Variants in RANBP17 observed in about 807,000 individuals in gnomAD.
The protein encoded by RANBP17 is ran-binding protein 17.
Under a neutral mutation model 141.2 loss-of-function variants are expected in RANBP17, and 158 were observed. The observed-to-expected ratio is 1.12, with a 90% confidence interval of 0.98 to 1.28. The LOEUF is 1.28. RANBP17 is among the 50% of genes most tolerant of loss of function. RANBP17 has a pLI of 0.00. For missense variants in RANBP17, 1,438 were observed against 1,290.7 expected, an observed-to-expected ratio of 1.11 and a Z score of -1.75; for synonymous variants, 430 against 450.0, an observed-to-expected ratio of 0.96 and a Z score of 0.56.
At chr5:171,275,451 T>A in intron 25 of RANBP17, among the ~76,000 whole-genome samples, 1 of 152,176 alleles carries the variant, frequency 6.6e-6, no homozygotes, top group East Asian at 1.9e-4. Flanking sequence ...TTCCTGTACA[T>A]AATTAAGAGT....
intron 14 of RANBP17, among the ~76,000 whole-genome samples, chr5:171,107,853 G>A (rs191430629): frequency 4.1e-4 from 62 of 152,304 alleles, no homozygotes; most frequent in African/African-American, 1.3e-3. Flanking sequence ...GTTAATGCGT[G>A]CTTGCTGCAT....
intron 14 of RANBP17, among the ~76,000 whole-genome samples, chr5:171,042,957 G>T (rs1008410602): frequency 5.3e-5 from 8 of 152,126 alleles, no homozygotes; most frequent in Admixed American, 3.9e-4. Context: ...AAATAAGATT[G>T]TACTTAGTGG....
chr5:171,198,594 C>T (rs1052756223), intron 18 of RANBP17, among the ~76,000 whole-genome samples: 12 of 152,176 alleles, frequency 7.9e-5, no homozygotes, highest in African/African-American at 2.7e-4. Flanking sequence ...CTGGGACCCA[C>T]CCCCAGAGTT....
chr5:171,188,386 A>G (rs558167533), intron 18 of RANBP17, among the ~76,000 whole-genome samples: 1 of 152,190 alleles, frequency 6.6e-6, no homozygotes, highest in Non-Finnish European at 1.5e-5. Context: ...AGACTGTGTC[A>G]TTGCCCTTGA....
intron 5 of RANBP17, 56 bp from the exon 6 acceptor site, chr5:170,909,605 T>A: frequency 3.9e-6 from 2 of 511,068 alleles, no homozygotes; most frequent in Non-Finnish European, 6.6e-6. Flanking sequence ...TTTTAGTAAA[T>A]TTTGGTTTGC....
At position 170,932,112 on chromosome 5, in the gene RANBP17, A is replaced by C. The variant is rs1227416216; in HGVS notation, c.1468+7562A>C. Among the ~76,000 whole-genome samples, 2 of 152,156 alleles carry C rather than the reference A, an allele frequency of 1.3e-5. 1 individual carries two copies. Among genetic ancestry groups the C allele is most frequent in the African/African-American group, 4.8e-5 (2 of 41,424 alleles). ...CAGTGGTTTGTAGTTCTCCTTGAAG[A>C]GGTCCTTCACTTCCCTTGTAAGTTG... is the stretch of plus-strand genomic sequence containing the variant. On this transcript the variant is annotated intron_variant, in intron 12 of 27. Coordinates refer to ENST00000523189, the MANE Select transcript of RANBP17 (RefSeq NM_022897.5).
intron 14 of RANBP17, among the ~76,000 whole-genome samples, chr5:171,097,652 T>TA (rs2127738068): frequency 1.4e-5 from 2 of 140,966 alleles, no homozygotes; most frequent in African/African-American, 5.4e-5. Context: ...TTATTATTAT[T>TA]ATACTTTAAG....
chr5:171,053,551 A>C (rs1783107747), intron 14 of RANBP17, among the ~76,000 whole-genome samples: 2 of 152,062 alleles, frequency 1.3e-5, no homozygotes, highest in African/African-American at 4.8e-5. Flanking sequence ...ACTTAACAGA[A>C]TTTTTGTTTG....
Position 170,919,482 on chromosome 5 carries a change from T to C in RANBP17, c.1143T>C (p.Thr381=). The part of the protein sequence containing the change: ...FAPNSVHYLL[T]LWQRMVASVP... ...CTAACAGTGTTCATTATTTATTAAC[T>C]CTGTGGCAAAGGATGGTAGCATCTG... Residue 381 remains threonine, a synonymous_variant, in exon 11 of 28, where the codon ACT becomes ACC. Transcript: ENST00000523189. 2 of 1,609,140 alleles carry C rather than the reference T, an allele frequency of 1.2e-6. No individual in the cohort carries two copies.
chr5:171,178,547 T>G (rs922534235), intron 16 of RANBP17, among the ~76,000 whole-genome samples: 1 of 152,190 alleles, frequency 6.6e-6, no homozygotes, highest in Non-Finnish European at 1.5e-5. Context: ...GTAATGGGAT[T>G]GCTGGGTCAA....
chr5:170,920,511 C>CT (rs35922124), intron 11 of RANBP17, among the ~76,000 whole-genome samples: 32 of 144,832 alleles, frequency 2.2e-4, no homozygotes, highest in East Asian at 4.0e-4. Context: ...TGTATATTTT[C>CT]TTTTTTTTTT....
In RANBP17 at chr5:171,183,231, G is replaced by A; in HGVS notation, c.1929+1G>A. On this transcript the variant is annotated splice_donor_variant, in intron 17 of 27. Coordinates refer to ENST00000523189, the MANE Select transcript of RANBP17 (RefSeq NM_022897.5). LOFTEE classifies it high-confidence loss of function. ...GAAATTCATGCTAAAAAACCACACG[G>A]TAAGTCTTATTTCTTTAATTAATGA... 6.3e-7 allele frequency: 1 copy of A among 1,599,466 alleles called. No individual in the cohort carries two copies.
intron 14 of RANBP17, among the ~76,000 whole-genome samples, chr5:170,971,955 G>C (rs1777020050): frequency 6.6e-6 from 1 of 151,976 alleles, no homozygotes; most frequent in Non-Finnish European, 1.5e-5. Context: ...AAGTCTTAAT[G>C]CTTTGCTATA....
At chr5:171,084,259 A>G (rs1335058380) in intron 14 of RANBP17, among the ~76,000 whole-genome samples, 24 of 148,600 alleles carry the variant, frequency 1.6e-4, no homozygotes, top group East Asian at 4.2e-4. Flanking sequence ...ATGATTTCCA[A>G]TTCCATCCAT....
chr5:171,186,681 C>A (rs913261964), intron 18 of RANBP17, among the ~76,000 whole-genome samples: 1 of 148,386 alleles, frequency 6.7e-6, no homozygotes, highest in Non-Finnish European at 1.5e-5. Flanking sequence ...GGACTACAGG[C>A]GCCCGCCACT....
chr5:171,170,172 A>G lies in RANBP17; in HGVS notation c.1753A>G (p.Asn585Asp). Reference protein sequence around the residue: ...MSEVLGITDDNHVLETFMTKI... With the variant: ...MSEVLGITDDDHVLETFMTKI... ...AGAAGTCTTAGGAATAACAGATGAC[A>G]ACCACGTTCTAGAGACGTTCATGAC... Residue 585 changes from asparagine (N) to aspartate (D), a missense_variant, in exon 15 of 28, where the codon AAC becomes GAC. Transcript: ENST00000523189. 1 of 1,586,644 alleles carries G rather than the reference A, an allele frequency of 6.3e-7. No individual in the cohort carries two copies. Among genetic ancestry groups the G allele is most frequent in the South Asian group, 1.2e-5 (1 of 85,850 alleles).
At chr5:171,275,723 A>T (rs944910744) in intron 25 of RANBP17, among the ~76,000 whole-genome samples, 6 of 152,214 alleles carry the variant, frequency 3.9e-5, no homozygotes, top group African/African-American at 1.4e-4. Context: ...TAGCATTATA[A>T]TGGCACAGTT....
chr5:171,278,756 A>C (rs1254774380), intron 25 of RANBP17, among the ~76,000 whole-genome samples: 3 of 152,206 alleles, frequency 2.0e-5, no homozygotes, highest in African/African-American at 7.2e-5. Context: ...ACTTAACTGC[A>C]CTGCCTTGTC....
intron 14 of RANBP17, among the ~76,000 whole-genome samples, chr5:170,972,474 A>G (rs554032094): frequency 2.6e-4 from 39 of 152,260 alleles, no homozygotes; most frequent in African/African-American, 9.1e-4. Flanking sequence ...GTGAGCCACC[A>G]CATCTGACCA....
Sources: gnomAD v4.1 joint callset for allele counts (sites outside exome capture counted in the v4.1 genomes callset) on GRCh38, gnomAD v4.1.1 for gene constraint, MANE v1.5 for transcripts, NCBI Gene and HGNC (gene_info 2026-07-23, HGNC 2026-07-21) for gene names.